Variants in OCIAD2 observed in about 807,000 individuals in gnomAD.
The protein encoded by OCIAD2 is OCIA domain-containing protein 2.
A neutral mutation model predicts 22.9 loss-of-function variants in OCIAD2; 29 were observed. The observed-to-expected ratio is 1.27, with a 90% CI of 0.94 to 1.73. The LOEUF (loss-of-function observed/expected upper bound fraction) is 1.73, where lower values mean the gene tolerates loss of function less well. Ranked by LOEUF, OCIAD2 falls within the 40% of genes most tolerant of loss-of-function variation. The probability of loss-of-function intolerance (pLI) is 0.00; values close to 1 mark genes in which losing one functional copy is unlikely to be tolerated. For synonymous variants in OCIAD2, 67 were observed against 60.2 expected (o/e 1.11, Z -0.52); for missense variants, 189 against 180.3 (o/e 1.05, Z -0.28).
chr4:48,896,803 G>C (rs890948199), intron 4 of OCIAD2, among the ~76,000 whole-genome samples: 10 of 152,036 alleles, frequency 6.6e-5, no homozygotes, highest in African/African-American at 2.4e-4. Context: ...CTGTTAATCA[G>C]CAGTGTTTGA....
At chr4:48,894,675 T>C (rs781696482) in intron 4 of OCIAD2, among the ~76,000 whole-genome samples, 1 of 152,142 alleles carries the variant, frequency 6.6e-6, no homozygotes, top group South Asian at 2.1e-4. Context: ...TTCAAAGAGA[T>C]TAGTCATCAT....
Position 48,906,759 on chromosome 4 carries a change from G to C in OCIAD2, c.-164C>G, listed in dbSNP as rs987860862. On this transcript the variant is annotated 5_prime_UTR_variant, in exon 1 of 7. Coordinates refer to ENST00000508632, the MANE Select transcript of OCIAD2 (RefSeq NM_001014446.3). ...CCGCCGGCCCGCTCCAGCTTCCCGA[G>C]TACCCCACCTGTCTCCCCGGCTTCC... 2 of 153,444 alleles carry C rather than the reference G, an allele frequency of 1.3e-5. No individual in the cohort carries two copies. Among genetic ancestry groups the C allele is most frequent in the African/African-American group, 4.8e-5 (2 of 41,482 alleles). The allele number at this position is 153,444 out of a possible 1,614,324, so 9.5% of individuals were successfully genotyped here. A position where few individuals can be genotyped will look rare whatever the true frequency, so the allele number is the denominator to read the frequency against.
At chr4:48,904,741 T>G in intron 1 of OCIAD2, 130 bp from the exon 2 acceptor site, 1 of 615,740 alleles carries the variant, frequency 1.6e-6, no homozygotes. Flanking sequence ...ATCTGCAAAC[T>G]CAACTTCCAG....
chr4:48,899,897 A>G lies in OCIAD2; in HGVS notation c.95T>C (p.Leu32Pro), dbSNP rs1781379429. 3 of 1,613,748 alleles carry G rather than the reference A, an allele frequency of 1.9e-6. No homozygotes were observed. The highest frequency in any genetic ancestry group is 1.1e-5 in the South Asian group (1 of 91,044). Residue 32 changes from leucine (L) to proline (P), a missense_variant, in exon 3 of 7, where the codon CTG (leucine) becomes CCG (proline). Physicochemically the swap from Leu to Pro is moderately conservative, Grantham distance 98. Coordinates refer to ENST00000508632, the MANE Select transcript of OCIAD2 (RefSeq NM_001014446.3). ...TGAGATCTCTGCTCTGTGGATGTGCAGTTTTGATTTTGGACAAAACAACAG... is the reference window on the plus strand; with the variant it reads ...TGAGATCTCTGCTCTGTGGATGTGCGGTTTTGATTTTGGACAAAACAACAG... ...QSLLFCPKSK[L>P]HIHRAEISKI...
At chr4:48,894,534 T>G (rs1426296583) in intron 4 of OCIAD2, among the ~76,000 whole-genome samples, 1 of 152,118 alleles carries the variant, frequency 6.6e-6, no homozygotes. Context: ...AATTCTCAGT[T>G]GAATTGAACT....
chr4:48,896,185 T>C (rs1445991584), intron 4 of OCIAD2, among the ~76,000 whole-genome samples: 1 of 152,190 alleles, frequency 6.6e-6, no homozygotes, highest in Non-Finnish European at 1.5e-5. Flanking sequence ...ACAAGAATGA[T>C]ATTGGTCAAA....
chr4:48,893,184 G>T (rs1280986202), intron 5 of OCIAD2: 1 of 190,990 alleles, frequency 5.2e-6, no homozygotes. Flanking sequence ...AGGCCACGGG[G>T]GCAGGGGAAG....
intron 3 of OCIAD2, among the ~76,000 whole-genome samples, chr4:48,898,856 A>G (rs187451708): frequency 1.3e-5 from 2 of 152,326 alleles, no homozygotes; most frequent in African/African-American, 4.8e-5. Context: ...GAGAGTAGTG[A>G]TAAACATGTA....
intron 4 of OCIAD2, among the ~76,000 whole-genome samples, chr4:48,896,718 G>A (rs536823047): frequency 6.6e-6 from 1 of 152,138 alleles, no homozygotes; most frequent in Non-Finnish European, 1.5e-5. Context: ...AGGATTGCTT[G>A]AGCCCAACAG....
Position 48,897,840 on chromosome 4 carries a change from C to T in OCIAD2, c.181G>A (p.Val61Ile), listed in dbSNP as rs115492433. 943 of 1,612,334 alleles carry T rather than the reference C, an allele frequency of 5.8e-4. 5 individuals are homozygous for T. The African/African-American group carries it at 0.011, about 19-fold the overall frequency. Residue 61 changes from valine (V) to isoleucine (I), a missense_variant, in exon 4 of 7, where the codon GTA (valine) becomes ATA (isoleucine). By Grantham distance (29) the Val-to-Ile change is conservative. Coordinates refer to ENST00000508632, the MANE Select transcript of OCIAD2 (RefSeq NM_001014446.3). ...FWKRALPFSLVSMLVTQGLVY... is the reference protein window; with the variant it reads ...FWKRALPFSLISMLVTQGLVY... ...AGTCCCTGGGTGACAAGCATGCTTA[C>T]AAGAGAAAAAGGCAGAGCTGTAAAG...
In OCIAD2 at chr4:48,904,342, T is replaced by C. The variant is rs1284023082; in HGVS notation, c.66+142A>G. 3.4e-5 allele frequency: 26 copies of C among 766,538 alleles called. No individual in the cohort carries two copies. In the East Asian group the frequency reaches 5.9e-4, roughly 17 times the overall value. 47.5% of individuals were successfully genotyped at this position (766,538 alleles called of 1,614,324 possible). ...GCCTGCACCTGTCATCCCAGTTAAG[T>C]GAGAAGCTCAAGTAGGAGGATCACT... is the stretch of plus-strand genomic sequence containing the variant. On this transcript the variant is annotated intron_variant, in intron 2 of 6. Transcript: ENST00000508632.
intron 4 of OCIAD2, 92 bp from the exon 5 acceptor site, chr4:48,894,145 C>T (rs1275035957): frequency 1.6e-6 from 1 of 620,648 alleles, no homozygotes; most frequent in South Asian, 5.6e-5. Flanking sequence ...TATAAAGAAA[C>T]CTCCAAAATT....
chr4:48,902,527 G>T (rs1781437675), intron 2 of OCIAD2, among the ~76,000 whole-genome samples: 1 of 152,178 alleles, frequency 6.6e-6, no homozygotes, highest in Non-Finnish European at 1.5e-5. Context: ...GTTGCTCTCA[G>T]TCTCCACTTA....
At chr4:48,900,148 A>G (rs1453826210) in intron 2 of OCIAD2, among the ~76,000 whole-genome samples, 1 of 145,110 alleles carries the variant, frequency 6.9e-6, no homozygotes, top group Non-Finnish European at 1.6e-5. Context: ...GGAGTGATTC[A>G]CTGACTGGCG....
chr4:48,888,832 C>G (rs1781074500), intron 6 of OCIAD2, among the ~76,000 whole-genome samples: 1 of 152,102 alleles, frequency 6.6e-6, no homozygotes, highest in Admixed American at 6.6e-5. Flanking sequence ...GCTTTGGTAT[C>G]AAGATGATGT....
intron 6 of OCIAD2, among the ~76,000 whole-genome samples, chr4:48,887,587 A>T (rs1377787607): frequency 2.0e-5 from 3 of 152,218 alleles, no homozygotes; most frequent in Non-Finnish European, 2.9e-5. Flanking sequence ...CCATTTATTA[A>T]GTAGGGAATC....
chr4:48,888,788 TA>T (rs1217029951), intron 6 of OCIAD2, among the ~76,000 whole-genome samples: 1 of 152,198 alleles, frequency 6.6e-6, no homozygotes, highest in African/African-American at 2.4e-5. Flanking sequence ...GATATTGGTC[TA>T]AAATTCTCTT....
intron 6 of OCIAD2, among the ~76,000 whole-genome samples, chr4:48,886,675 C>CT (rs1292348929): frequency 6.6e-6 from 1 of 151,928 alleles, no homozygotes; most frequent in African/African-American, 2.4e-5. Flanking sequence ...TGAACTCATC[C>CT]TTTTTTTATG....
At chr4:48,896,954 G>A (rs541623108) in intron 4 of OCIAD2, among the ~76,000 whole-genome samples, 2 of 152,324 alleles carry the variant, frequency 1.3e-5, no homozygotes, top group Admixed American at 6.5e-5. Flanking sequence ...CTAAGAGGCA[G>A]GGAGAGGTTA....
Sources: gnomAD v4.1 joint callset for allele counts (sites outside exome capture counted in the v4.1 genomes callset) on GRCh38, gnomAD v4.1.1 for gene constraint, MANE v1.5 for transcripts, NCBI Gene and HGNC (gene_info 2026-07-23, HGNC 2026-07-21) for gene names.